LINGO2: variants seen among roughly 807,000 people sequenced by gnomAD.
LINGO2 encodes leucine rich repeat and Ig domain containing 2.
In LINGO2, 14 loss-of-function variants were observed where a neutral mutation model predicts 30.6. The observed-to-expected ratio is 0.46, with a 90% CI of 0.30 to 0.72. The LOEUF (loss-of-function observed/expected upper bound fraction) is 0.72. Among genes scored for constraint, LINGO2 ranks in the 30% least tolerant of loss-of-function variants. The pLI, the probability that LINGO2 is intolerant of heterozygous loss-of-function variation, is 0.07. For missense variants in LINGO2, 729 were observed against 751.7 expected (o/e 0.97, Z 0.35); for synonymous variants, 317 against 288.5 (o/e 1.10, Z -1.00).
the LINGO2 span, among the ~76,000 whole-genome samples, chr9:28,899,095 T>A: frequency 1.3e-5 from 2 of 152,092 alleles, no homozygotes; most frequent in African/African-American, 4.8e-5. Context: ...AAAAACCAGT[T>A]AAGAGATTAT....
At chr9:27,973,113 G>C (rs185145391) in intron 5 of LINGO2, among the ~76,000 whole-genome samples, 6 of 152,144 alleles carry the variant, frequency 3.9e-5, no homozygotes, top group African/African-American at 1.4e-4. Context: ...AGAGCAGATG[G>C]TAGGACTTCT....
At chr9:28,418,806 T>C (rs1823074689) in intron 2 of LINGO2, among the ~76,000 whole-genome samples, 2 of 152,032 alleles carry the variant, frequency 1.3e-5, no homozygotes, top group East Asian at 1.9e-4. Flanking sequence ...GAAATGTCTG[T>C]GCTGTTTCAA....
intron 4 of LINGO2, among the ~76,000 whole-genome samples, chr9:28,062,838 T>G (rs1825198109): frequency 1.3e-5 from 2 of 151,858 alleles, no homozygotes; most frequent in South Asian, 4.1e-4. Flanking sequence ...TCACCACATT[T>G]TCATCAATTA....
chr9:28,223,787 A>G (rs1178049608), intron 4 of LINGO2, among the ~76,000 whole-genome samples: 1 of 152,190 alleles, frequency 6.6e-6, no homozygotes, highest in African/African-American at 2.4e-5. Flanking sequence ...AAATAAAGAG[A>G]GAAAAAAGAC....
At chr9:28,168,281 G>C (rs764491495) in intron 4 of LINGO2, among the ~76,000 whole-genome samples, 1 of 152,114 alleles carries the variant, frequency 6.6e-6, no homozygotes, top group East Asian at 1.9e-4. Flanking sequence ...TATTTTACTT[G>C]TAATAACTGA....
chr9:28,211,493 C>T (rs1434330799), intron 4 of LINGO2, among the ~76,000 whole-genome samples: 1 of 151,262 alleles, frequency 6.6e-6, no homozygotes, highest in Non-Finnish European at 1.5e-5. Context: ...TGTGATCAGG[C>T]CTTTTTCTGC....
chr9:28,843,289 A>C, the LINGO2 span, among the ~76,000 whole-genome samples: 1 of 151,932 alleles, frequency 6.6e-6, no homozygotes, highest in Non-Finnish European at 1.5e-5. Flanking sequence ...GTTCAACCTA[A>C]AGAGTAAAGG....
At chr9:28,712,043 G>C in the LINGO2 span, among the ~76,000 whole-genome samples, 6 of 152,010 alleles carry the variant, frequency 3.9e-5, no homozygotes, top group Non-Finnish European at 8.8e-5. Flanking sequence ...AGTCCAGCAA[G>C]TCCAGCAATT....
intron 4 of LINGO2, among the ~76,000 whole-genome samples, chr9:28,014,271 CA>C: frequency 6.6e-6 from 1 of 152,212 alleles, no homozygotes; most frequent in African/African-American, 2.4e-5. Flanking sequence ...GAAAAAATGA[CA>C]AAAAATTCTA....
At chr9:28,643,512 T>G (rs1827700790) in intron 1 of LINGO2, among the ~76,000 whole-genome samples, 1 of 151,988 alleles carries the variant, frequency 6.6e-6, no homozygotes, top group African/African-American at 2.4e-5. Flanking sequence ...GAACATTATC[T>G]CTCACCACAT....
chr9:28,561,426 G>A (rs1402534561), intron 1 of LINGO2, among the ~76,000 whole-genome samples: 1 of 151,520 alleles, frequency 6.6e-6, no homozygotes, highest in Non-Finnish European at 1.5e-5. Flanking sequence ...AAGTGTAGGA[G>A]AACCTCTGAT....
At position 28,102,561 on chromosome 9, in the gene LINGO2, T is replaced by A. The variant is rs146245265; in HGVS notation, c.-86-90156A>T. ...TGTTTAATTAGTTTCAAAACAAGGATCAATGTGAGAGACTGCAGCTGGGAA... is the reference window on the plus strand; with the variant it reads ...TGTTTAATTAGTTTCAAAACAAGGAACAATGTGAGAGACTGCAGCTGGGAA... On this transcript the variant is annotated intron_variant, in intron 4 of 5. Transcript: ENST00000379992. Among the ~76,000 whole-genome samples, 29 of 151,816 alleles carry A rather than the reference T, an allele frequency of 1.9e-4. No individual in the cohort carries two copies. The East Asian group carries it at 5.6e-3, about 29-fold the overall frequency.
At chr9:28,337,419 A>G (rs1444911696) in intron 3 of LINGO2, among the ~76,000 whole-genome samples, 1 of 152,208 alleles carries the variant, frequency 6.6e-6, no homozygotes, top group East Asian at 1.9e-4. Context: ...GATGTGATAG[A>G]AAATAAAATT....
intron 1 of LINGO2, among the ~76,000 whole-genome samples, chr9:28,498,697 G>A (rs1284663267): frequency 1.3e-5 from 2 of 152,102 alleles, no homozygotes; most frequent in Non-Finnish European, 2.9e-5. Context: ...CCAGTGAGAT[G>A]AACCTGGTAC....
rs1554682034 is a variant in LINGO2 at position 28,172,027 on chromosome 9, A to AAC, written c.-87+123180_-87+123181insGT. ...GCAAGACTCCGTCTCAAAAAAAAAA[A>AAC]AAAAAACAAAAAAAAAAACCCAGCA... On this transcript the variant is annotated intron_variant, in intron 4 of 5. Coordinates refer to ENST00000379992, the Ensembl canonical transcript of LINGO2. Among the ~76,000 whole-genome samples, 37 of 90,370 alleles carry AAC rather than the reference A, an allele frequency of 4.1e-4. 1 individual carries two copies. Among genetic ancestry groups the AAC allele is most frequent in the African/African-American group, 1.2e-3 (21 of 17,178 alleles). 59.3% of individuals were successfully genotyped at this position (90,370 alleles called of 152,430 possible).
At chr9:29,041,273 T>C in the LINGO2 span, among the ~76,000 whole-genome samples, 142 of 152,158 alleles carry the variant, frequency 9.3e-4, no homozygotes, top group African/African-American at 3.2e-3. Context: ...TGATTTATAG[T>C]TTTAATTAAT....
the LINGO2 span, among the ~76,000 whole-genome samples, chr9:28,786,168 G>T: frequency 6.6e-6 from 1 of 152,214 alleles, no homozygotes; most frequent in South Asian, 2.1e-4. Context: ...TTGATTGGTG[G>T]AGTTGTCATA....
intron 4 of LINGO2, among the ~76,000 whole-genome samples, chr9:28,217,900 T>G (rs944796095): frequency 6.6e-6 from 1 of 151,968 alleles, no homozygotes; most frequent in East Asian, 1.9e-4. Flanking sequence ...GGTACCTAGG[T>G]TTGAAAAACT....
chr9:29,111,344 A>G, the LINGO2 span, among the ~76,000 whole-genome samples: 1 of 152,122 alleles, frequency 6.6e-6, no homozygotes, highest in Non-Finnish European at 1.5e-5. Context: ...TTATTCTAAA[A>G]TGGCAGTTAG....
Sources: allele counts gnomAD v4.1 joint callset (sites outside exome capture counted in the v4.1 genomes callset), GRCh38; gene constraint gnomAD v4.1.1; transcripts MANE v1.5; gene names NCBI Gene and HGNC (gene_info 2026-07-23, HGNC 2026-07-21).